LRP1B: variants seen among roughly 807,000 people sequenced by gnomAD.
LRP1B encodes the protein low-density lipoprotein receptor-related protein 1B.
LRP1B carries 217 observed loss-of-function variants against 556.6 expected under a neutral mutation model. That is an observed-to-expected ratio of 0.39 (90% CI 0.35 to 0.44). The LOEUF (loss-of-function observed/expected upper bound fraction) is 0.44, where lower values mean the gene tolerates loss of function less well. Ranked by LOEUF, LRP1B falls within the 20% of genes least tolerant of loss-of-function variation. The pLI, the probability that LRP1B is intolerant of heterozygous loss-of-function variation, is 1.00. For missense variants in LRP1B, 5,053 were observed against 5,620.8 expected, an observed-to-expected ratio of 0.90 and a Z score of 3.23; for synonymous variants, 2,047 against 1,865.8, an observed-to-expected ratio of 1.10 and a Z score of -2.50.
intron 2 of LRP1B, among the ~76,000 whole-genome samples, chr2:141,579,724 C>CTTTTTCTTT (rs1553538238): frequency 9.9e-6 from 1 of 101,002 alleles, no homozygotes; most frequent in African/African-American, 4.4e-5. Context: ...TCAGGTTTCA[C>CTTTTTCTTT]TTTTTTTTTT....
chr2:140,642,150 C>A (rs1373076171), intron 41 of LRP1B, among the ~76,000 whole-genome samples: 1 of 152,160 alleles, frequency 6.6e-6, no homozygotes, highest in Non-Finnish European at 1.5e-5. Context: ...CTGCCCCACT[C>A]TTCTTTCCCA....
chr2:141,285,943 TGTAGTCCCA>T, intron 3 of LRP1B, among the ~76,000 whole-genome samples: 1 of 147,472 alleles, frequency 6.8e-6, no homozygotes, highest in South Asian at 2.1e-4. Context: ...GGCGGGCGCC[TGTAGTCCCA>T]GCTACTTGGG....
intron 44 of LRP1B, among the ~76,000 whole-genome samples, 170 bp from the exon 45 acceptor site, chr2:140,541,268 C>T (rs371869043): frequency 2.3e-4 from 35 of 152,188 alleles, no homozygotes; most frequent in African/African-American, 7.5e-4. Flanking sequence ...AAGTACATTA[C>T]AAAAGTATGT....
At position 140,821,166 on chromosome 2, in the gene LRP1B, C is replaced by T. The variant is rs758531454; in HGVS notation, c.5210-7360G>A. ...ATTTTTTTCCTTCACTGAACTACGT[C>T]CTCCTGGAGGATGGTACCAGGTTTT... On this transcript the variant is annotated intron_variant, in intron 31 of 90. Coordinates refer to ENST00000389484, the MANE Select transcript of LRP1B (RefSeq NM_018557.3). 3.2e-4 allele frequency among the ~76,000 whole-genome samples: 48 copies of T among 152,210 alleles called. No individual in the cohort carries two copies. In the Middle Eastern group the frequency reaches 0.01, roughly 32 times the overall value.
chr2:140,523,871 G>A (rs908769294), intron 49 of LRP1B, among the ~76,000 whole-genome samples: 3 of 151,768 alleles, frequency 2.0e-5, no homozygotes, highest in African/African-American at 7.3e-5. Flanking sequence ...TAAAAATACT[G>A]CAAGAAATCC....
intron 1 of LRP1B, among the ~76,000 whole-genome samples, chr2:141,822,090 C>CAT (rs1302319357): frequency 1.1e-5 from 1 of 93,836 alleles, no homozygotes; most frequent in Non-Finnish European, 2.1e-5. Flanking sequence ...CCAAAAAATA[C>CAT]ATACACACAC....
At chr2:140,362,025 C>T (rs1682538715) in intron 72 of LRP1B, among the ~76,000 whole-genome samples, 1 of 151,536 alleles carries the variant, frequency 6.6e-6, no homozygotes, top group Non-Finnish European at 1.5e-5. Flanking sequence ...GTCTCTCATT[C>T]ACCATATCCA....
chr2:140,239,435 A>G lies in LRP1B; in HGVS notation c.13415+7T>C, dbSNP rs1680854204. The G allele has an allele frequency of 6.4e-7, 1 of 1,563,124 alleles. No homozygotes were observed. Among genetic ancestry groups the G allele is most frequent in the Non-Finnish European group, 8.8e-7 (1 of 1,141,730 alleles). Reference sequence around the variant, plus strand: ...ACTGACTGCTAATCTAGAACATTGCATCTTACCTTCTTTTTCTTTTACAAA... The same window carrying G: ...ACTGACTGCTAATCTAGAACATTGCGTCTTACCTTCTTTTTCTTTTACAAA... On this transcript the variant is annotated splice_region_variant and intron_variant, in intron 88 of 90. Transcript: ENST00000389484.
At position 140,779,694 on chromosome 2, in the gene LRP1B, C is replaced by CAA. The variant is rs34083447; in HGVS notation, c.5360-3458_5360-3457dup. On this transcript the variant is annotated intron_variant, in intron 32 of 90. Coordinates refer to ENST00000389484, the MANE Select transcript of LRP1B (RefSeq NM_018557.3). ...CGGGTGACAGAGCGAGACTCTGTCT[C>CAA]AAAAAAAAAAAAAAAAAAAAGTGTG... Among the ~76,000 whole-genome samples the CAA allele has an allele frequency of 5.7e-3, 382 of 66,818 alleles. 31 individuals are homozygous for CAA. The highest frequency in any genetic ancestry group is 9.6e-3 in the East Asian group (21 of 2,184). The allele number at this position is 66,818 out of a possible 152,430, so 43.8% of individuals were successfully genotyped here. A position where few individuals can be genotyped will look rare whatever the true frequency, so the allele number is the denominator to read the frequency against.
intron 1 of LRP1B, among the ~76,000 whole-genome samples, chr2:141,820,721 T>C (rs547278708): frequency 1.1e-4 from 16 of 152,358 alleles, no homozygotes; most frequent in African/African-American, 3.6e-4. Flanking sequence ...TGTTTTAAGA[T>C]TGGTGTACAA....
intron 66 of LRP1B, among the ~76,000 whole-genome samples, chr2:140,391,165 T>A (rs759751334): frequency 7.2e-5 from 11 of 152,198 alleles, no homozygotes; most frequent in South Asian, 2.1e-4. Context: ...AATATATTCA[T>A]AACATTGAAT....
At position 141,284,695 on chromosome 2, in the gene LRP1B, A is replaced by C. The variant is rs145266866; in HGVS notation, c.344-30054T>G. On this transcript the variant is annotated intron_variant, in intron 3 of 90. Transcript: ENST00000389484. ...ATGTATTATTTTCCATGAGATATTC[A>C]GTTATTATGTCAACATTTGTGAAAA... is the stretch of plus-strand genomic sequence containing the variant. Among the ~76,000 whole-genome samples the C allele has an allele frequency of 4.1e-3, 630 of 152,322 alleles. 3 individuals are homozygous for C. Among genetic ancestry groups the C allele is most frequent in the African/African-American group, 0.013 (560 of 41,576 alleles).
At chr2:141,979,946 A>T (rs1308656479) in intron 1 of LRP1B, among the ~76,000 whole-genome samples, 1 of 152,160 alleles carries the variant, frequency 6.6e-6, no homozygotes, top group East Asian at 1.9e-4. Flanking sequence ...TTACTCTGTC[A>T]TGTCTGTTCT....
At chr2:140,879,803 A>T (rs1157142097) in intron 25 of LRP1B, among the ~76,000 whole-genome samples, 1 of 152,052 alleles carries the variant, frequency 6.6e-6, no homozygotes, top group Non-Finnish European at 1.5e-5. Context: ...CAGTCTACAG[A>T]TGCTGCAGTT....
chr2:141,469,987 G>T (rs1682398569), intron 3 of LRP1B, among the ~76,000 whole-genome samples: 1 of 152,120 alleles, frequency 6.6e-6, no homozygotes. Context: ...ATGTCTTACT[G>T]AGCCTAATTT....
chr2:141,715,809 C>G lies in LRP1B; in HGVS notation c.205+94470G>C, dbSNP rs568339589. On this transcript the variant is annotated intron_variant, in intron 2 of 90. Coordinates refer to ENST00000389484, the MANE Select transcript of LRP1B (RefSeq NM_018557.3). ...CAGCCTGGGTGACAAGAGTGAAACT[C>G]CGTCTCAGAAACTAACAAACAAACA... Among the ~76,000 whole-genome samples, 8 of 152,216 alleles carry G rather than the reference C, an allele frequency of 5.3e-5. No homozygotes were observed. In the South Asian group the frequency reaches 1.7e-3, roughly 32 times the overall value.
rs182134298 is a variant in LRP1B, at chr2:141,880,686, G to A, written c.83-70285C>T. On this transcript the variant is annotated intron_variant, in intron 1 of 90. Transcript: ENST00000389484. ...TGCTTATTGAAGTATGAAATGTTAT[G>A]TCATTTTCACCTGGAAATTTGGAAA... 1.3e-3 allele frequency among the ~76,000 whole-genome samples: 200 copies of A among 152,038 alleles called. 1 individual carries two copies. Among genetic ancestry groups the A allele is most frequent in the African/African-American group, 4.7e-3 (195 of 41,504 alleles).
At chr2:140,598,598 A>C in intron 43 of LRP1B, 33 bp downstream of exon 43, 1 of 1,507,324 alleles carries the variant, frequency 6.6e-7, no homozygotes, top group Non-Finnish European at 9.2e-7. Flanking sequence ...TCATTGTATA[A>C]CTCTATAACC....
intron 35 of LRP1B, among the ~76,000 whole-genome samples, chr2:140,718,855 ATT>A (rs11395192): frequency 6.6e-6 from 1 of 150,918 alleles, no homozygotes; most frequent in South Asian, 2.1e-4. Context: ...GTCTTCACAT[ATT>A]TTTTTTTCTT....
Sources: allele counts gnomAD v4.1 joint callset (sites outside exome capture counted in the v4.1 genomes callset), GRCh38; gene constraint gnomAD v4.1.1; transcripts MANE v1.5; gene names NCBI Gene and HGNC (gene_info 2026-07-23, HGNC 2026-07-21).